The following NHS variants were observed in gnomAD, a reference collection of about 807,000 sequenced individuals.
NHS encodes actin remodeling regulator NHS.
A neutral mutation model predicts 72.5 loss-of-function variants in NHS; 5 were observed. The observed-to-expected ratio is 0.07, with a 90% CI of 0.04 to 0.14. The LOEUF (loss-of-function observed/expected upper bound fraction) is 0.14. Among genes scored for constraint, NHS ranks in the 10% least tolerant of loss-of-function variants. The pLI, the probability that NHS is intolerant of heterozygous loss-of-function variation, is 1.00. For missense variants in NHS, 1,072 were observed against 1,355.7 expected (o/e 0.79, Z 3.29); for synonymous variants, 464 against 547.7 (o/e 0.85, Z 2.13).
At position 17,720,838 on chromosome X, in the gene NHS, C is replaced by G. The variant is rs534485798; in HGVS notation, c.916-603C>G. 1.0e-3 allele frequency among the ~76,000 whole-genome samples: 114 copies of G among 112,446 alleles called. No individual in the cohort carries two copies. In the South Asian group the frequency reaches 0.023, roughly 23 times the overall value. On this transcript the variant is annotated intron_variant, in intron 4 of 8. Coordinates refer to ENST00000676302, the MANE Select transcript of NHS (RefSeq NM_001291867.2). ...CCGCTATCGTTGGTAGGGGGAAATTCTTCACTTTTGCTTTTCCATGTGCAT... is the reference window on the plus strand; with the variant it reads ...CCGCTATCGTTGGTAGGGGGAAATTGTTCACTTTTGCTTTTCCATGTGCAT...
intron 1 of NHS, among the ~76,000 whole-genome samples, chrX:17,682,980 G>C (rs1216951133): frequency 9.0e-6 from 1 of 111,596 alleles, no homozygotes; most frequent in African/African-American, 3.3e-5. Flanking sequence ...TTCCAAGAGA[G>C]TGGCAGCCAC....
chrX:17,708,673 G>A (rs1161081181), intron 3 of NHS, among the ~76,000 whole-genome samples: 2 of 111,225 alleles, frequency 1.8e-5, no homozygotes, highest in Admixed American at 1.9e-4. Flanking sequence ...AGGCCTTGGA[G>A]GATGGGGTAG....
chrX:17,657,201 A>T (rs926711417), intron 1 of NHS, among the ~76,000 whole-genome samples: 1 of 112,694 alleles, frequency 8.9e-6, no homozygotes, highest in Non-Finnish European at 1.9e-5. Context: ...CTAGGCCAGG[A>T]ATGTGTGGGC....
intron 1 of NHS, among the ~76,000 whole-genome samples, chrX:17,683,288 G>C (rs938091949): frequency 1.8e-5 from 2 of 112,230 alleles, no homozygotes; most frequent in African/African-American, 6.5e-5. Flanking sequence ...GAGTCACTCA[G>C]TTCTTGGTTA....
At chrX:17,418,287 CTCAT>C (rs1251596573) in intron 1 of NHS, among the ~76,000 whole-genome samples, 1 of 111,764 alleles carries the variant, frequency 8.9e-6, no homozygotes, top group Non-Finnish European at 1.9e-5. Flanking sequence ...ATTCAGAGAA[CTCAT>C]TCATTCTCTG....
At position 17,463,098 on chromosome X, in the gene NHS, A is replaced by T. The variant is rs145761872; in HGVS notation, c.565+86776A>T. On this transcript the variant is annotated intron_variant, in intron 1 of 8. Transcript: ENST00000676302. ...AATGTGGCACCCATGCAATGCTCCC[A>T]TGCTCACTCATCTGGGTCTCCACCT... is the stretch of plus-strand genomic sequence containing the variant. Among the ~76,000 whole-genome samples, 166 of 112,468 alleles carry T rather than the reference A, an allele frequency of 1.5e-3. 1 individual carries two copies. The highest frequency in any genetic ancestry group is 4.9e-3 in the African/African-American group (153 of 30,975).
intron 1 of NHS, among the ~76,000 whole-genome samples, chrX:17,507,003 G>A (rs189809429): frequency 1.2e-4 from 14 of 112,150 alleles, no homozygotes. Context: ...TGCTAAAATG[G>A]AGTATAGTTT....
rs755048029 is a variant in NHS at position 17,721,405 on chromosome X, C to G, written c.916-36C>G. 72 of 1,188,778 alleles carry G rather than the reference C, an allele frequency of 6.1e-5. No individual in the cohort carries two copies. The South Asian group carries it at 1.1e-3, about 19-fold the overall frequency. ...CCTTATATGTGTGCTTATGTATAAA[C>G]TATGATGGCTGAACCTGATTGTACT... On this transcript the variant is annotated intron_variant, in intron 4 of 8. Transcript: ENST00000676302.
chrX:17,623,105 T>G (rs1269276409), intron 1 of NHS, among the ~76,000 whole-genome samples: 2 of 110,640 alleles, frequency 1.8e-5, no homozygotes, highest in African/African-American at 3.3e-5. Context: ...TTTTTTCTTT[T>G]ATTTTTTGTA....
rs1176126893 is a variant in NHS at position 17,467,253 on chromosome X, A to C, written c.565+90931A>C. Among the ~76,000 whole-genome samples, 3 of 112,609 alleles carry C rather than the reference A, an allele frequency of 2.7e-5. No homozygotes were observed. The Admixed American group carries it at 2.8e-4, about 11-fold the overall frequency. On this transcript the variant is annotated intron_variant, in intron 1 of 8. Coordinates refer to ENST00000676302, the MANE Select transcript of NHS (RefSeq NM_001291867.2). Reference sequence around the variant, plus strand: ...TTTTCTTTCTTTTAAATTCCAAAAAAAGAAAAAAAGACAGAAATGTACTTT... The same window carrying C: ...TTTTCTTTCTTTTAAATTCCAAAAACAGAAAAAAAGACAGAAATGTACTTT...
chrX:17,539,763 C>A (rs2065253535), intron 1 of NHS, among the ~76,000 whole-genome samples: 1 of 111,704 alleles, frequency 9.0e-6, no homozygotes, highest in African/African-American at 3.3e-5. Flanking sequence ...CAGCTCTCCC[C>A]TCCTTTGGGC....
At chrX:17,597,897 G>A (rs750811477) in intron 1 of NHS, among the ~76,000 whole-genome samples, 47 of 111,441 alleles carry the variant, frequency 4.2e-4, no homozygotes, top group Middle Eastern at 4.6e-3. Flanking sequence ...AAACCCAAGC[G>A]AGAGAGGGTG....
At chrX:17,599,199 C>T (rs1241938557) in intron 1 of NHS, among the ~76,000 whole-genome samples, 1 of 111,954 alleles carries the variant, frequency 8.9e-6, no homozygotes, top group Non-Finnish European at 1.9e-5. Flanking sequence ...CTGCTATATA[C>T]ACATCTTTTG....
At chrX:17,680,503 C>T (rs1197607239) in intron 1 of NHS, among the ~76,000 whole-genome samples, 1 of 113,393 alleles carries the variant, frequency 8.8e-6, no homozygotes, top group Non-Finnish European at 1.9e-5. Context: ...CACACAAACA[C>T]ACACGTGTGT....
intron 1 of NHS, among the ~76,000 whole-genome samples, chrX:17,553,726 G>A (rs929312060): frequency 1.8e-5 from 2 of 111,400 alleles, no homozygotes; most frequent in Non-Finnish European, 3.8e-5. Flanking sequence ...CACGCCCTGG[G>A]CAGCCCATGT....
At chrX:17,673,210 ACACACACAC>A (rs2066059305) in intron 1 of NHS, among the ~76,000 whole-genome samples, 1 of 104,349 alleles carries the variant, frequency 9.6e-6, no homozygotes, top group Non-Finnish European at 2.0e-5. Flanking sequence ...ACACACACAC[ACACACACAC>A]ACACACACAC....
chrX:17,481,626 A>C (rs1381427295), intron 1 of NHS, among the ~76,000 whole-genome samples: 2 of 111,742 alleles, frequency 1.8e-5, no homozygotes, highest in Admixed American at 1.9e-4. Context: ...ACATGGAACA[A>C]AAAGGATTTT....
Position 17,519,356 on chromosome X carries a change from TA to T in NHS, c.565+143035del, listed in dbSNP as rs1478151601. Among the ~76,000 whole-genome samples the T allele has an allele frequency of 2.7e-5, 3 of 112,445 alleles. No individual in the cohort carries two copies. In the East Asian group the frequency reaches 8.3e-4, roughly 31 times the overall value. ...TCTTTCATCTCCAGTATGGAAGGCTTATTTTGGGGGAAGTGTTTATGATGAA... is the reference window on the plus strand; with the variant it reads ...TCTTTCATCTCCAGTATGGAAGGCTTTTTTGGGGGAAGTGTTTATGATGAA... On this transcript the variant is annotated intron_variant, in intron 1 of 8. Coordinates refer to ENST00000676302, the MANE Select transcript of NHS (RefSeq NM_001291867.2).
intron 1 of NHS, among the ~76,000 whole-genome samples, chrX:17,605,636 G>A (rs760294394): frequency 1.4e-4 from 15 of 110,668 alleles, no homozygotes; most frequent in Non-Finnish European, 2.5e-4. Context: ...CCCATCCTAA[G>A]CACTCATTGC....
Sources: gnomAD v4.1 joint callset for allele counts (sites outside exome capture counted in the v4.1 genomes callset) on GRCh38, gnomAD v4.1.1 for gene constraint, MANE v1.5 for transcripts, NCBI Gene and HGNC (gene_info 2026-07-23, HGNC 2026-07-21) for gene names.